The following POU6F2 variants were observed in gnomAD, a reference collection of about 807,000 sequenced individuals.
POU6F2 encodes the protein POU domain, class 6, transcription factor 2.
In POU6F2, 31 loss-of-function variants were observed where a neutral mutation model predicts 71.3. The ratio of observed to expected loss-of-function variants is 0.43; its 90% confidence interval spans 0.33 to 0.59. POU6F2 has a LOEUF of 0.59. Among genes scored for constraint, POU6F2 ranks in the 20% least tolerant of loss-of-function variants. The pLI, the probability that POU6F2 is intolerant of heterozygous loss-of-function variation, is 0.04. For missense variants in POU6F2, 783 were observed against 856.8 expected, an observed-to-expected ratio of 0.91 and a Z score of 1.07; for synonymous variants, 347 against 355.7, an observed-to-expected ratio of 0.98 and a Z score of 0.27.
chr7:39,352,050 A>G (rs1786148719), intron 5 of POU6F2, among the ~76,000 whole-genome samples: 2 of 152,176 alleles, frequency 1.3e-5, no homozygotes, highest in African/African-American at 4.8e-5. Flanking sequence ...TCTTTCTCAT[A>G]GCTCCTGATC....
At chr7:39,116,023 C>T (rs1791920632) in intron 2 of POU6F2, among the ~76,000 whole-genome samples, 1 of 152,158 alleles carries the variant, frequency 6.6e-6, no homozygotes, top group Admixed American at 6.6e-5. Flanking sequence ...AAAACCTACT[C>T]AGCAGACTCG....
intron 4 of POU6F2, among the ~76,000 whole-genome samples, chr7:39,279,674 G>GT (rs1244140559): frequency 3.9e-5 from 6 of 152,166 alleles, no homozygotes; most frequent in Admixed American, 1.3e-4. Flanking sequence ...CTTGTACATT[G>GT]TATCACTCCA....
intron 4 of POU6F2, among the ~76,000 whole-genome samples, chr7:39,333,212 A>G (rs1167646485): frequency 1.3e-5 from 2 of 152,118 alleles, no homozygotes; most frequent in Non-Finnish European, 2.9e-5. Flanking sequence ...TTCCTATTTA[A>G]TGAGGTATCT....
intron 5 of POU6F2, among the ~76,000 whole-genome samples, chr7:39,379,008 C>T (rs941256030): frequency 1.4e-4 from 22 of 152,032 alleles, no homozygotes; most frequent in African/African-American, 5.3e-4. Flanking sequence ...AGTCCAAGGT[C>T]TAGTGGAAAA....
In POU6F2 at chr7:39,169,149, T is replaced by C. The variant is rs570231768; in HGVS notation, c.278-35086T>C. On this transcript the variant is annotated intron_variant, in intron 2 of 9. Coordinates refer to ENST00000518318, the MANE Select transcript of POU6F2 (RefSeq NM_001370959.1). ...ATTATGGAAGATGAACTTTGTACAGTAGGAAAGTTTTATTTTGTTCAAACA... is the reference window on the plus strand; with the variant it reads ...ATTATGGAAGATGAACTTTGTACAGCAGGAAAGTTTTATTTTGTTCAAACA... 9.4e-4 allele frequency among the ~76,000 whole-genome samples: 143 copies of C among 152,350 alleles called. 1 individual carries two copies. Among genetic ancestry groups the C allele is most frequent in the African/African-American group, 3.3e-3 (137 of 41,578 alleles).
rs1297059591 is a variant in POU6F2 at position 39,009,952 on chromosome 7, G to A, written c.105+31894G>A. Among the ~76,000 whole-genome samples the A allele has an allele frequency of 5.2e-4, 79 of 152,030 alleles. 1 individual carries two copies. Among genetic ancestry groups the A allele is most frequent in the African/African-American group, 1.4e-3 (59 of 41,460 alleles). On this transcript the variant is annotated intron_variant, in intron 1 of 9. Coordinates refer to ENST00000518318, the MANE Select transcript of POU6F2 (RefSeq NM_001370959.1). ...GTATTTTATTGAGGATTTTTGCATC[G>A]ATGTTCATCAAGGATACTGGTCTAA...
At chr7:39,387,584 C>T (rs888769832) in intron 5 of POU6F2, among the ~76,000 whole-genome samples, 1 of 152,212 alleles carries the variant, frequency 6.6e-6, no homozygotes, top group African/African-American at 2.4e-5. Context: ...ATTCCATCCA[C>T]ATGAACCTCC....
intron 9 of POU6F2, among the ~76,000 whole-genome samples, chr7:39,463,217 G>T (rs1788988955): frequency 2.0e-5 from 3 of 152,242 alleles, no homozygotes; most frequent in African/African-American, 7.2e-5. Flanking sequence ...TGGTACCAGG[G>T]CGACTTCTTA....
chr7:39,437,082 C>T (rs1277961505), intron 7 of POU6F2, among the ~76,000 whole-genome samples: 1 of 152,152 alleles, frequency 6.6e-6, no homozygotes, highest in African/African-American at 2.4e-5. Context: ...CTGAAGTTTT[C>T]TTTTTGTGTT....
intron 4 of POU6F2, among the ~76,000 whole-genome samples, chr7:39,263,414 T>G (rs1381371502): frequency 6.6e-6 from 1 of 152,242 alleles, no homozygotes; most frequent in African/African-American, 2.4e-5. Context: ...TTTTAGCATC[T>G]TATTCTGAAT....
intron 2 of POU6F2, among the ~76,000 whole-genome samples, chr7:39,123,780 T>TG (rs1326173258): frequency 1.3e-5 from 2 of 148,650 alleles, no homozygotes; most frequent in Non-Finnish European, 3.0e-5. Context: ...GATCTTTGGT[T>TG]TTTTTTTTTA....
intron 4 of POU6F2, among the ~76,000 whole-genome samples, chr7:39,216,484 A>G (rs1794243972): frequency 6.6e-6 from 1 of 152,198 alleles, no homozygotes; most frequent in Non-Finnish European, 1.5e-5. Flanking sequence ...ACAAGGCAAA[A>G]GTAGAGGGAT....
intron 6 of POU6F2, among the ~76,000 whole-genome samples, chr7:39,414,615 G>A (rs762871118): frequency 4.6e-5 from 7 of 152,184 alleles, no homozygotes; most frequent in Non-Finnish European, 8.8e-5. Flanking sequence ...CGGACGCGCG[G>A]GACGTCAGGG....
chr7:39,032,505 T>C (rs536090082), intron 1 of POU6F2, among the ~76,000 whole-genome samples: 1 of 152,382 alleles, frequency 6.6e-6, no homozygotes, highest in African/African-American at 2.4e-5. Context: ...CAATTTGCCA[T>C]GCCAGTTATC....
chr7:39,246,905 CTTTTTTT>C lies in POU6F2; in HGVS notation c.598+39302_598+39308del, dbSNP rs398004470. 3.1e-4 allele frequency among the ~76,000 whole-genome samples: 24 copies of C among 78,148 alleles called. 1 individual carries two copies. The highest frequency in any genetic ancestry group is 7.6e-4 in the African/African-American group (13 of 17,084). The allele number at this position is 78,148 out of a possible 152,430, so 51.3% of individuals were successfully genotyped here. ...CCAGCTCACCCCAAATCCAGGGTGG[CTTTTTTT>C]TTTTTTTTTTTTTTTTGCGACGGAG... On this transcript the variant is annotated intron_variant, in intron 4 of 9. Transcript: ENST00000518318.
At chr7:39,360,612 G>T (rs1048120420) in intron 5 of POU6F2, among the ~76,000 whole-genome samples, 6 of 152,164 alleles carry the variant, frequency 3.9e-5, no homozygotes, top group Admixed American at 3.9e-4. Flanking sequence ...GTGCAGGAAA[G>T]AATTCAGGGT....
At chr7:39,157,907 A>T (rs904727914) in intron 2 of POU6F2, among the ~76,000 whole-genome samples, 1 of 152,164 alleles carries the variant, frequency 6.6e-6, no homozygotes, top group Non-Finnish European at 1.5e-5. Flanking sequence ...TGAATGCTGG[A>T]TGGTTAGTAG....
chr7:39,392,116 T>G (rs1787086048), intron 5 of POU6F2, among the ~76,000 whole-genome samples: 1 of 152,360 alleles, frequency 6.6e-6, no homozygotes, highest in South Asian at 2.1e-4. Flanking sequence ...TTAATACATT[T>G]ATTTAGTAAT....
At chr7:39,141,260 T>C (rs1202704340) in intron 2 of POU6F2, among the ~76,000 whole-genome samples, 1 of 152,196 alleles carries the variant, frequency 6.6e-6, no homozygotes, top group Non-Finnish European at 1.5e-5. Context: ...CAGGAGTATT[T>C]CTGATTGAAT....
Sources: gnomAD v4.1 joint callset for allele counts (sites outside exome capture counted in the v4.1 genomes callset) on GRCh38, gnomAD v4.1.1 for gene constraint, MANE v1.5 for transcripts, NCBI Gene and HGNC (gene_info 2026-07-23, HGNC 2026-07-21) for gene names.